The following TATDN1 variants were observed in gnomAD, a reference collection of about 807,000 sequenced individuals.
TATDN1 encodes the protein deoxyribonuclease TATDN1.
Under a neutral mutation model 46.4 loss-of-function variants are expected in TATDN1, and 40 were observed. That is an observed-to-expected ratio of 0.86 (90% CI 0.67 to 1.12). TATDN1 has a LOEUF of 1.12. Among genes scored for constraint, TATDN1 ranks in the 50% most tolerant of loss-of-function variants. The pLI is 0.00. For missense variants in TATDN1, 326 were observed against 348.4 expected, an observed-to-expected ratio of 0.94 and a Z score of 0.51; for synonymous variants, 95 against 105.6, an observed-to-expected ratio of 0.90 and a Z score of 0.62.
chr8:124,523,051 C>A (rs1363963264), intron 1 of TATDN1, 49 bp from the exon 2 acceptor site: 5 of 1,514,954 alleles, frequency 3.3e-6, no homozygotes, highest in Non-Finnish European at 4.5e-6. Flanking sequence ...CTACATGAAA[C>A]TTGTACTTAA....
At chr8:124,504,439 A>G (rs1818228479) in intron 8 of TATDN1, 92 bp from the exon 9 acceptor site, 1 of 801,942 alleles carries the variant, frequency 1.2e-6, no homozygotes, top group East Asian at 3.2e-5. Context: ...AAAAATATAG[A>G]TCCCTGTAAG....
At chr8:124,503,665 T>A (rs1390954136) in intron 9 of TATDN1, among the ~76,000 whole-genome samples, 1 of 152,160 alleles carries the variant, frequency 6.6e-6, no homozygotes, top group African/African-American at 2.4e-5. Context: ...TACACTGACA[T>A]CCTGTGAAAA....
intron 9 of TATDN1, among the ~76,000 whole-genome samples, chr8:124,501,032 G>T (rs983094738): frequency 6.6e-6 from 1 of 152,176 alleles, no homozygotes; most frequent in Non-Finnish European, 1.5e-5. Flanking sequence ...GGGTTCCTAG[G>T]TTATGTATCT....
At chr8:124,493,401 A>G (rs1172819800) in intron 11 of TATDN1, among the ~76,000 whole-genome samples, 1 of 152,168 alleles carries the variant, frequency 6.6e-6, no homozygotes, top group Non-Finnish European at 1.5e-5. Context: ...TGTGCTATAT[A>G]TATATCACCA....
intron 11 of TATDN1, among the ~76,000 whole-genome samples, chr8:124,493,473 CCT>C (rs1383141253): frequency 6.6e-6 from 1 of 152,120 alleles, no homozygotes; most frequent in Non-Finnish European, 1.5e-5. Context: ...AGTCCCACCC[CCT>C]TTGATTGGAA....
chr8:124,519,652 G>A lies in TATDN1; in HGVS notation c.139-771C>T, dbSNP rs964611214. Among the ~76,000 whole-genome samples the A allele has an allele frequency of 2.0e-5, 3 of 152,208 alleles. No individual in the cohort carries two copies. In the South Asian group the frequency reaches 6.2e-4, roughly 32 times the overall value. ...ACTCACACAAACAAAAGCTCTTTGG[G>A]GGTCCTCAATAATAAAGAATGTGAA... On this transcript the variant is annotated intron_variant, in intron 3 of 11. Coordinates refer to ENST00000276692, the MANE Select transcript of TATDN1 (RefSeq NM_032026.4).
At chr8:124,507,439 G>A (rs1818567185) in intron 8 of TATDN1, among the ~76,000 whole-genome samples, 1 of 152,108 alleles carries the variant, frequency 6.6e-6, no homozygotes, top group Non-Finnish European at 1.5e-5. Context: ...GAACATTAAA[G>A]AACAGCTGAC....
intron 1 of TATDN1, among the ~76,000 whole-genome samples, chr8:124,532,668 A>G (rs1821069838): frequency 6.6e-6 from 1 of 152,230 alleles, no homozygotes; most frequent in Admixed American, 6.5e-5. Context: ...GGCAACTCCA[A>G]AGACATACGT....
At chr8:124,495,393 G>A in intron 10 of TATDN1, 79 bp downstream of exon 10, 1 of 1,060,316 alleles carries the variant, frequency 9.4e-7, no homozygotes, top group East Asian at 2.5e-5. Context: ...CTTAAAGTTT[G>A]AAGTCAAATT....
At chr8:124,522,639 G>A (rs987499796) in intron 2 of TATDN1, among the ~76,000 whole-genome samples, 2 of 152,080 alleles carry the variant, frequency 1.3e-5, no homozygotes, top group Admixed American at 1.3e-4. Context: ...GGCTGGTCTC[G>A]AACTCCTGAC....
chr8:124,490,041 C>T (rs1195709530), intron 11 of TATDN1: 1 of 152,206 alleles, frequency 6.6e-6, no homozygotes, highest in African/African-American at 2.4e-5. Flanking sequence ...AATCTATTAA[C>T]ATTTAAATTA....
chr8:124,491,263 A>G (rs1816970611), intron 11 of TATDN1: 1 of 152,164 alleles, frequency 6.6e-6, no homozygotes, highest in African/African-American at 2.4e-5. Context: ...AGCCCTCACA[A>G]TCTGGGCTCA....
chr8:124,493,735 A>AT (rs1817217600), intron 11 of TATDN1, 98 bp downstream of exon 11: 1 of 1,447,898 alleles, frequency 6.9e-7, no homozygotes, highest in Non-Finnish European at 9.2e-7. Context: ...CTTCACTTGG[A>AT]TTTTGCAAAA....
rs186889668 is a variant in TATDN1 at position 124,495,159 on chromosome 8, T to C, written c.664+313A>G. The C allele has an allele frequency of 1.5e-3, 507 of 339,688 alleles. 4 individuals are homozygous for C. Among genetic ancestry groups the C allele is most frequent in the African/African-American group, 9.8e-3 (447 of 45,728 alleles). 21.0% of individuals were successfully genotyped at this position (339,688 alleles called of 1,614,324 possible). On this transcript the variant is annotated intron_variant, in intron 10 of 11. Coordinates refer to ENST00000276692, the MANE Select transcript of TATDN1 (RefSeq NM_032026.4). Reference sequence around the variant, plus strand: ...CAAAATTCTGAACAGATTTTGAAACTTGGAAGTGTGATGTGCTTAGTCAAG... The same window carrying C: ...CAAAATTCTGAACAGATTTTGAAACCTGGAAGTGTGATGTGCTTAGTCAAG...
chr8:124,488,833 C>T, intron 11 of TATDN1, 137 bp from the exon 12 acceptor site: 1 of 613,104 alleles, frequency 1.6e-6, no homozygotes, highest in East Asian at 3.2e-5. Context: ...TTAAGTTTTT[C>T]AGCAATATCA....
Position 124,539,009 on chromosome 8 carries a change from A to T in TATDN1, c.22+16T>A, listed in dbSNP as rs747564325. ...AAGTCAGAAAGACCCAAGGGCGTGG[A>T]AAACGCTCCTCTTACCGATAAACTT... On this transcript the variant is annotated intron_variant, in intron 1 of 11. Transcript: ENST00000276692. 3.7e-6 allele frequency: 6 copies of T among 1,614,182 alleles called. No homozygotes were observed. The highest frequency in any genetic ancestry group is 5.1e-6 in the Non-Finnish European group (6 of 1,180,004).
intron 8 of TATDN1, among the ~76,000 whole-genome samples, chr8:124,508,119 A>G (rs1349660024): frequency 3.9e-5 from 6 of 152,232 alleles, no homozygotes; most frequent in Admixed American, 3.3e-4. Context: ...AATGTTAAGT[A>G]TCCCTTATCC....
chr8:124,531,193 A>AATT (rs1399955158), intron 1 of TATDN1, among the ~76,000 whole-genome samples: 1 of 151,466 alleles, frequency 6.6e-6, no homozygotes, highest in African/African-American at 2.5e-5. Flanking sequence ...AATAAGCCTA[A>AATT]AGTTCCCTCC....
At chr8:124,502,746 T>G (rs1255901307) in intron 9 of TATDN1, among the ~76,000 whole-genome samples, 3 of 152,250 alleles carry the variant, frequency 2.0e-5, no homozygotes, top group Non-Finnish European at 4.4e-5. Flanking sequence ...GTACTACTTT[T>G]TGTTTTCCTG....
Sources: gnomAD v4.1 joint callset for allele counts (sites outside exome capture counted in the v4.1 genomes callset) on GRCh38, gnomAD v4.1.1 for gene constraint, MANE v1.5 for transcripts, NCBI Gene and HGNC (gene_info 2026-07-23, HGNC 2026-07-21) for gene names.